The following ZSCAN20 variants were observed in gnomAD, a reference collection of about 807,000 sequenced individuals.
ZSCAN20 encodes the protein zinc finger and SCAN domain containing 20.
Under a neutral mutation model 97.1 loss-of-function variants are expected in ZSCAN20, and 39 were observed. That is an observed-to-expected ratio of 0.40 (90% confidence interval 0.31 to 0.52). The LOEUF is 0.52. Ranked by LOEUF, ZSCAN20 falls within the 20% of genes least tolerant of loss-of-function variation. The pLI, the probability that ZSCAN20 is intolerant of heterozygous loss-of-function variation, is 0.49. For missense variants in ZSCAN20, 1,115 were observed against 1,290.4 expected (o/e 0.86, Z 2.08); for synonymous variants, 456 against 467.3 (o/e 0.98, Z 0.31).
At chr1:33,488,899 A>G (rs1652481566) in intron 3 of ZSCAN20, among the ~76,000 whole-genome samples, 1 of 152,106 alleles carries the variant, frequency 6.6e-6, no homozygotes, top group South Asian at 2.1e-4. Flanking sequence ...GTGGGTGGTG[A>G]TCACAGGAGG....
chr1:33,489,487 G>A, intron 4 of ZSCAN20, 31 bp from the exon 5 acceptor site: 1 of 1,611,564 alleles, frequency 6.2e-7, no homozygotes, highest in Non-Finnish European at 8.5e-7. Flanking sequence ...GGTCAGTGAT[G>A]TTTGGGGTCC....
rs1244630232 is a variant in ZSCAN20, at chr1:33,499,475, C to T, written c.*3999C>T. On this transcript the variant is annotated 3_prime_UTR_variant, in exon 8 of 8. Transcript: ENST00000684572. ...GCCAACCAGCTGTGCTTGGGTGACT[C>T]CTGGGCATCTCAAAGCCCCGGTGTC... Among the ~76,000 whole-genome samples the T allele has an allele frequency of 6.6e-6, 1 of 152,080 alleles. No homozygotes were observed. Among genetic ancestry groups the T allele is most frequent in the Admixed American group, 6.5e-5 (1 of 15,272 alleles).
At chr1:33,480,176 A>G (rs1262860093) in intron 2 of ZSCAN20, among the ~76,000 whole-genome samples, 2 of 152,200 alleles carry the variant, frequency 1.3e-5, no homozygotes, top group Non-Finnish European at 2.9e-5. Context: ...AGGTAGACAG[A>G]AATAGTACTG....
At chr1:33,490,002 G>A (rs1422308794) in intron 5 of ZSCAN20, among the ~76,000 whole-genome samples, 5 of 152,194 alleles carry the variant, frequency 3.3e-5, no homozygotes, top group Non-Finnish European at 7.3e-5. Context: ...ATATCACAGA[G>A]CCCAAAATAC....
intron 2 of ZSCAN20, 104 bp from the exon 3 acceptor site, chr1:33,488,361 G>A: frequency 8.6e-7 from 1 of 1,161,434 alleles, no homozygotes. Context: ...AAGCCATTTT[G>A]GATCTTAAAA....
Position 33,499,126 on chromosome 1 carries a change from T to A in ZSCAN20, c.*3650T>A, listed in dbSNP as rs535336922. Reference sequence around the variant, plus strand: ...TTCTGGGGCCCCCAGTGGGGATAGCTCTCTGCTTTCGGGCTGCAGAAAAGA... The same window carrying A: ...TTCTGGGGCCCCCAGTGGGGATAGCACTCTGCTTTCGGGCTGCAGAAAAGA... On this transcript the variant is annotated 3_prime_UTR_variant, in exon 8 of 8. Transcript: ENST00000684572. Among the ~76,000 whole-genome samples, 2 of 152,288 alleles carry A rather than the reference T, an allele frequency of 1.3e-5. No homozygotes were observed. Among genetic ancestry groups the A allele is most frequent in the African/African-American group, 4.8e-5 (2 of 41,548 alleles).
At chr1:33,481,204 C>A (rs200635243) in intron 2 of ZSCAN20, among the ~76,000 whole-genome samples, 1 of 151,930 alleles carries the variant, frequency 6.6e-6, no homozygotes, top group African/African-American at 2.4e-5. Context: ...TATATTATTT[C>A]TTTTAAAGAA....
At chr1:33,474,330 G>A (rs1441390274) in intron 1 of ZSCAN20, among the ~76,000 whole-genome samples, 1 of 152,210 alleles carries the variant, frequency 6.6e-6, no homozygotes, top group Non-Finnish European at 1.5e-5. Context: ...CAGCCAAATG[G>A]GCCTGACAGC....
At position 33,488,539 on chromosome 1, in the gene ZSCAN20, A is replaced by C. The variant is rs758370241; in HGVS notation, c.492A>C (p.Pro164=). Residue 164 remains proline, a synonymous_variant, in exon 3 of 8, where the codon CCA becomes CCC. Transcript: ENST00000684572. ...GEEAQSFQLQ[P]VDPWPEGQSQ... ...AAGCTCAGAGCTTCCAGCTGCAGCC[A>C]GTGGATCCCTGGCCTGAGGGACAGT... is the stretch of plus-strand genomic sequence containing the variant. 6.2e-7 allele frequency: 1 copy of C among 1,614,160 alleles called. No individual in the cohort carries two copies. The highest frequency in any genetic ancestry group is 1.1e-5 in the South Asian group (1 of 91,086).
chr1:33,479,203 T>C lies in ZSCAN20; in HGVS notation c.-86T>C, dbSNP rs1046718953. On this transcript the variant is annotated 5_prime_UTR_variant, in exon 2 of 8. Coordinates refer to ENST00000684572, the MANE Select transcript of ZSCAN20 (RefSeq NM_001377376.1). ...GAGCCTTGGGGAGCAGTCCCTTTTCTAGGAGCCTCTTGAAGGACTCACCGT... is the reference window on the plus strand; with the variant it reads ...GAGCCTTGGGGAGCAGTCCCTTTTCCAGGAGCCTCTTGAAGGACTCACCGT... 16 of 1,430,542 alleles carry C rather than the reference T, an allele frequency of 1.1e-5. No individual in the cohort carries two copies. Among genetic ancestry groups the C allele is most frequent in the Admixed American group, 9.0e-5 (4 of 44,430 alleles). 88.6% of individuals were successfully genotyped at this position (1,430,542 alleles called of 1,614,324 possible).
rs1340211363 is a variant in ZSCAN20 at position 33,488,524 on chromosome 1, C to T, written c.477C>T (p.Ser159=). The change falls in exon 3 of 8, where the codon AGC becomes AGT. Residue 159 remains serine, a synonymous_variant. Coordinates refer to ENST00000684572, the MANE Select transcript of ZSCAN20 (RefSeq NM_001377376.1). The stretch of plus-strand genomic sequence containing the variant: ...TAAAGACAGGGGAAGAAGCTCAGAG[C>T]TTCCAGCTGCAGCCAGTGGATCCCT... ...RPLKTGEEAQ[S]FQLQPVDPWP... 7 of 1,614,174 alleles carry T rather than the reference C, an allele frequency of 4.3e-6. No individual in the cohort carries two copies. Among genetic ancestry groups the T allele is most frequent in the Middle Eastern group, 1.7e-4 (1 of 6,060 alleles).
rs201188730 is a variant in ZSCAN20 at position 33,501,536 on chromosome 1, A to T, written c.*6060A>T. Among the ~76,000 whole-genome samples the T allele has an allele frequency of 5.6e-4, 77 of 136,694 alleles. No homozygotes were observed. The highest frequency in any genetic ancestry group is 8.8e-4 in the East Asian group (4 of 4,556). 89.7% of individuals were successfully genotyped at this position (136,694 alleles called of 152,430 possible). A position where few individuals can be genotyped will look rare whatever the true frequency, so the allele number is the denominator to read the frequency against. On this transcript the variant is annotated 3_prime_UTR_variant, in exon 8 of 8. Coordinates refer to ENST00000684572, the MANE Select transcript of ZSCAN20 (RefSeq NM_001377376.1). ...TGCTTTCACTTCCCCATTTTCTGTTATTTTTTTTTTTTTTGTGCTGTTATG... is the reference window on the plus strand; with the variant it reads ...TGCTTTCACTTCCCCATTTTCTGTTTTTTTTTTTTTTTTTGTGCTGTTATG...
At position 33,496,922 on chromosome 1, in the gene ZSCAN20, A is replaced by G. The variant is rs371662326; in HGVS notation, c.*1446A>G. On this transcript the variant is annotated 3_prime_UTR_variant, in exon 8 of 8. Coordinates refer to ENST00000684572, the MANE Select transcript of ZSCAN20 (RefSeq NM_001377376.1). ...AAGGTTCACATAGGATGGTTTTAAC[A>G]TTTGCAGCACTTTGGCCTCCAGAGT... Among the ~76,000 whole-genome samples the G allele has an allele frequency of 4.3e-4, 66 of 152,324 alleles. No homozygotes were observed. Among genetic ancestry groups the G allele is most frequent in the African/African-American group, 1.5e-3 (61 of 41,580 alleles).
At position 33,494,506 on chromosome 1, in the gene ZSCAN20, G is replaced by A. The variant is rs758789835; in HGVS notation, c.2162G>A (p.Arg721Gln). ...GACACATGCATGAAGAGCTTCAGTC[G>A]GAGCTCCCACTTCATTGCCCATCAG... ...KCDTCMKSFS[R>Q]SSHFIAHQRI... The change falls in exon 8 of 8, where the codon CGG becomes CAG. Residue 721 changes from arginine (R) to glutamine (Q), a missense_variant. Coordinates refer to ENST00000684572, the MANE Select transcript of ZSCAN20 (RefSeq NM_001377376.1). 4.6e-5 allele frequency: 75 copies of A among 1,614,070 alleles called. 2 individuals carry two copies. In the Middle Eastern group the frequency reaches 3.8e-3, roughly 81 times the overall value.
chr1:33,479,155 CTA>C, intron 1 of ZSCAN20, 22 bp from the exon 2 acceptor site: 1 of 969,396 alleles, frequency 1.0e-6, no homozygotes, highest in Middle Eastern at 2.4e-4. Context: ...TGCTCACACT[CTA>C]TCCTTTGTCT....
At chr1:33,489,687 A>T in intron 5 of ZSCAN20, 85 bp downstream of exon 5, 3 of 1,248,298 alleles carry the variant, frequency 2.4e-6, no homozygotes, top group Non-Finnish European at 3.5e-6. Flanking sequence ...CTCCTTTAAG[A>T]ATCATGGCTC....
rs185456917 is a variant in ZSCAN20 at position 33,497,255 on chromosome 1, A to G, written c.*1779A>G. Among the ~76,000 whole-genome samples, 8 of 151,550 alleles carry G rather than the reference A, an allele frequency of 5.3e-5. No individual in the cohort carries two copies. Among genetic ancestry groups the G allele is most frequent in the East Asian group, 1.9e-4 (1 of 5,156 alleles). On this transcript the variant is annotated 3_prime_UTR_variant, in exon 8 of 8. Coordinates refer to ENST00000684572, the MANE Select transcript of ZSCAN20 (RefSeq NM_001377376.1). Reference sequence around the variant, plus strand: ...ACCAGCCCCACTAGGATCACCGTCAACTCCCTCCCAGTTTACCTTTTCTGG... The same window carrying G: ...ACCAGCCCCACTAGGATCACCGTCAGCTCCCTCCCAGTTTACCTTTTCTGG...
rs1652797292 is a variant in ZSCAN20, at chr1:33,494,967, T to A, written c.2623T>A (p.Tyr875Asn). ...PHSTNSGEKL[Y>N]ECSECGRSFS... ...CAGCACAAACTCAGGGGAGAAACTT[T>A]ATGAGTGTTCTGAATGTGGAAGAAG... Residue 875 changes from tyrosine (Y) to asparagine (N), a missense_variant, in exon 8 of 8, where the codon TAT (tyrosine) becomes AAT (asparagine). By Grantham distance (143) the Tyr-to-Asn change is moderately radical. Transcript: ENST00000684572. 6.2e-7 allele frequency: 1 copy of A among 1,614,046 alleles called. No individual in the cohort carries two copies. The highest frequency in any genetic ancestry group is 8.5e-7 in the Non-Finnish European group (1 of 1,180,032).
At chr1:33,484,083 A>G (rs1652259474) in intron 2 of ZSCAN20, among the ~76,000 whole-genome samples, 1 of 152,200 alleles carries the variant, frequency 6.6e-6, no homozygotes, top group South Asian at 2.1e-4. Flanking sequence ...ACTGCTTATT[A>G]GTTCCCAGAA....
Sources: gnomAD v4.1 joint callset for allele counts (sites outside exome capture counted in the v4.1 genomes callset) on GRCh38, gnomAD v4.1.1 for gene constraint, MANE v1.5 for transcripts, NCBI Gene and HGNC (gene_info 2026-07-23, HGNC 2026-07-21) for gene names.